RPS6KC1: variants seen among roughly 807,000 people sequenced by gnomAD.
The protein encoded by RPS6KC1 is inactive ribosomal protein S6 kinase delta-1.
Under a neutral mutation model 103.8 loss-of-function variants are expected in RPS6KC1, and 54 were observed. The observed-to-expected ratio is 0.52, with a 90% CI of 0.42 to 0.65. The LOEUF is 0.65. Ranked by LOEUF, RPS6KC1 falls within the 30% of genes least tolerant of loss-of-function variation. The probability of loss-of-function intolerance (pLI) is 0.00; values close to 1 mark genes in which losing one functional copy is unlikely to be tolerated. For missense variants in RPS6KC1, 1,151 were observed against 1,253.8 expected, an observed-to-expected ratio of 0.92 and a Z score of 1.24; for synonymous variants, 439 against 438.7, an observed-to-expected ratio of 1.00 and a Z score of -0.01.
the RPS6KC1 span, among the ~76,000 whole-genome samples, chr1:213,604,709 G>T: frequency 6.6e-6 from 1 of 152,172 alleles, no homozygotes; most frequent in African/African-American, 2.4e-5. Flanking sequence ...CTGCAGCCCT[G>T]GGGCGACCAT....
At chr1:213,612,731 C>A in the RPS6KC1 span, among the ~76,000 whole-genome samples, 1 of 152,258 alleles carries the variant, frequency 6.6e-6, no homozygotes, top group East Asian at 1.9e-4. Context: ...AGCTTTTACC[C>A]TGAGACTTCA....
chr1:213,316,822 A>G, the RPS6KC1 span, among the ~76,000 whole-genome samples: 1 of 152,074 alleles, frequency 6.6e-6, no homozygotes, highest in East Asian at 1.9e-4. Context: ...ACAGAAAGGA[A>G]ATGAGGAAAT....
chr1:213,075,543 ACAGCTC>A (rs1318576048), intron 2 of RPS6KC1, among the ~76,000 whole-genome samples: 2 of 152,140 alleles, frequency 1.3e-5, no homozygotes, highest in Non-Finnish European at 1.5e-5. Flanking sequence ...ATCTCACTGA[ACAGCTC>A]CAAGCAGCTC....
the RPS6KC1 span, among the ~76,000 whole-genome samples, chr1:213,761,175 G>T: frequency 2.0e-4 from 30 of 151,994 alleles, no homozygotes; most frequent in African/African-American, 6.0e-4. Context: ...CCGTTTGTCT[G>T]TCCAGATGTA....
rs1477837015 is a variant in RPS6KC1, at chr1:213,272,510, C to T, written c.3091-14C>T. ...GTTGGATTCCTGTTACTCACTAAGT[C>T]CGTCTTTTTTTAGCTCTTGCAGTTC... On this transcript the variant is annotated splice_polypyrimidine_tract_variant and intron_variant, in intron 14 of 14. Transcript: ENST00000366960. 1 of 1,602,878 alleles carries T rather than the reference C, an allele frequency of 6.2e-7. No individual in the cohort carries two copies. The highest frequency in any genetic ancestry group is 1.1e-5 in the South Asian group (1 of 90,804).
chr1:213,653,657 T>A, the RPS6KC1 span, among the ~76,000 whole-genome samples: 1 of 152,218 alleles, frequency 6.6e-6, no homozygotes, highest in African/African-American at 2.4e-5. Flanking sequence ...ATTGATCATA[T>A]CTATCTCTCC....
At chr1:213,078,014 CTA>C (rs1360817230) in intron 3 of RPS6KC1, among the ~76,000 whole-genome samples, 198 bp downstream of exon 3, 1 of 152,058 alleles carries the variant, frequency 6.6e-6, no homozygotes, top group Non-Finnish European at 1.5e-5. Context: ...CTCTTCCTAT[CTA>C]TGAAACAAAA....
At chr1:213,836,581 T>G in the RPS6KC1 span, among the ~76,000 whole-genome samples, 1 of 151,962 alleles carries the variant, frequency 6.6e-6, no homozygotes, top group Non-Finnish European at 1.5e-5. Flanking sequence ...AAAGAGTAAG[T>G]GTCCTCTCAC....
chr1:213,235,162 T>C (rs1381167516), intron 10 of RPS6KC1, among the ~76,000 whole-genome samples: 5 of 152,228 alleles, frequency 3.3e-5, no homozygotes, highest in Non-Finnish European at 7.3e-5. Context: ...ATACTTACGA[T>C]TTGTGGCTTT....
the RPS6KC1 span, among the ~76,000 whole-genome samples, chr1:213,570,445 A>G: frequency 1.3e-5 from 2 of 152,196 alleles, no homozygotes; most frequent in East Asian, 3.9e-4. Context: ...TGAAAAAGAG[A>G]CCCATTTCCT....
the RPS6KC1 span, among the ~76,000 whole-genome samples, chr1:213,797,570 C>T: frequency 6.6e-6 from 1 of 152,312 alleles, no homozygotes; most frequent in East Asian, 1.9e-4. Flanking sequence ...CTATCCTCTG[C>T]ACGGGAAGTC....
At chr1:213,590,821 A>G in the RPS6KC1 span, among the ~76,000 whole-genome samples, 13 of 152,140 alleles carry the variant, frequency 8.5e-5, no homozygotes, top group Admixed American at 8.5e-4. Flanking sequence ...TGGGCAGTCC[A>G]TTACAGTGTC....
At chr1:213,575,359 C>A in the RPS6KC1 span, among the ~76,000 whole-genome samples, 1 of 152,108 alleles carries the variant, frequency 6.6e-6, no homozygotes, top group African/African-American at 2.4e-5. Flanking sequence ...GGCAATGAGA[C>A]CTGTAAGAGG....
At chr1:213,662,987 A>C in the RPS6KC1 span, among the ~76,000 whole-genome samples, 2 of 152,144 alleles carry the variant, frequency 1.3e-5, no homozygotes, top group African/African-American at 4.8e-5. Context: ...TAGCCTGTCC[A>C]CCCTCGCTAA....
At chr1:213,670,583 G>T in the RPS6KC1 span, among the ~76,000 whole-genome samples, 1 of 152,196 alleles carries the variant, frequency 6.6e-6, no homozygotes, top group Non-Finnish European at 1.5e-5. Context: ...TGCAAGAAGA[G>T]CTAAGCATAA....
intron 12 of RPS6KC1, 31 bp downstream of exon 12, chr1:213,242,689 G>T: frequency 6.6e-7 from 1 of 1,516,286 alleles, no homozygotes; most frequent in South Asian, 1.2e-5. Flanking sequence ...TGTTTCACTT[G>T]AAAAAGTGGT....
the RPS6KC1 span, among the ~76,000 whole-genome samples, chr1:213,804,089 A>G: frequency 6.6e-6 from 1 of 150,440 alleles, no homozygotes; most frequent in South Asian, 2.1e-4. Flanking sequence ...GTGAACATGT[A>G]CCCTAAAATT....
At chr1:213,739,838 C>A in the RPS6KC1 span, among the ~76,000 whole-genome samples, 1 of 152,022 alleles carries the variant, frequency 6.6e-6, no homozygotes, top group South Asian at 2.1e-4. Context: ...CAAAAGTATG[C>A]CCCCCGTGCT....
At chr1:213,319,668 C>T in the RPS6KC1 span, among the ~76,000 whole-genome samples, 4 of 152,172 alleles carry the variant, frequency 2.6e-5, no homozygotes, top group African/African-American at 9.7e-5. Flanking sequence ...GAATTTAACT[C>T]TTTCCATCTT....
Sources: gnomAD v4.1 joint callset for allele counts (sites outside exome capture counted in the v4.1 genomes callset) on GRCh38, gnomAD v4.1.1 for gene constraint, MANE v1.5 for transcripts, NCBI Gene and HGNC (gene_info 2026-07-23, HGNC 2026-07-21) for gene names.